The following RWDD2B variants were observed in gnomAD, a reference collection of about 807,000 sequenced individuals.
RWDD2B encodes RWD domain containing 2B, also known as RWD domain-containing protein 2B.
Under a neutral mutation model 33.6 loss-of-function variants are expected in RWDD2B, and 36 were observed. That is an observed-to-expected ratio of 1.07 (90% CI 0.82 to 1.42). The LOEUF is 1.42. Ranked by LOEUF, RWDD2B falls within the 40% of genes most tolerant of loss-of-function variation. The pLI, the probability that RWDD2B is intolerant of heterozygous loss-of-function variation, is 0.00. For missense variants in RWDD2B, 364 were observed against 377.5 expected (o/e 0.96, Z 0.30); for synonymous variants, 126 against 133.1 (o/e 0.95, Z 0.37).
At chr21:29,008,212 A>C in intron 3 of RWDD2B, 28 bp downstream of exon 3, 7 of 1,612,740 alleles carry the variant, frequency 4.3e-6, no homozygotes, top group Non-Finnish European at 4.2e-6. Context: ...TTTGACCTCC[A>C]AAGTTGGCCA....
chr21:29,008,987 A>C (rs2084843694), intron 1 of RWDD2B, among the ~76,000 whole-genome samples: 1 of 152,266 alleles, frequency 6.6e-6, no homozygotes, highest in Admixed American at 6.5e-5. Flanking sequence ...TAGCCAGAAG[A>C]GAGGATATGA....
chr21:29,015,387 C>T (rs1017871206), intron 1 of RWDD2B, among the ~76,000 whole-genome samples: 8 of 151,700 alleles, frequency 5.3e-5, no homozygotes, highest in African/African-American at 9.7e-5. Flanking sequence ...CACACCACTA[C>T]GCCCAGCTAA....
In RWDD2B at chr21:29,012,981, T is replaced by C. The variant is rs2084871922; in HGVS notation, c.68-4360A>G. Among the ~76,000 whole-genome samples, 3 of 152,310 alleles carry C rather than the reference T, an allele frequency of 2.0e-5. No individual in the cohort carries two copies. In the South Asian group the frequency reaches 6.2e-4, roughly 32 times the overall value. On this transcript the variant is annotated intron_variant, in intron 1 of 4. Transcript: ENST00000493196. The stretch of plus-strand genomic sequence containing the variant: ...ACATATGTTAAGTGCCTATATGTAT[T>C]TGAGTCTTTTTCTGGATTCTCCATT...
chr21:29,018,798 C>A (rs1397334255), intron 1 of RWDD2B, among the ~76,000 whole-genome samples: 1 of 152,090 alleles, frequency 6.6e-6, no homozygotes, highest in African/African-American at 2.4e-5. Flanking sequence ...CAAGATCAGC[C>A]TGGGTAACAT....
chr21:29,011,473 A>C (rs1601021626), intron 1 of RWDD2B, among the ~76,000 whole-genome samples: 4 of 136,354 alleles, frequency 2.9e-5, no homozygotes, highest in Non-Finnish European at 3.2e-5. Flanking sequence ...TCCGCCCAGC[A>C]GCCACCCCGT....
intron 1 of RWDD2B, among the ~76,000 whole-genome samples, chr21:29,012,179 C>CCCG (rs1432873771): frequency 6.8e-6 from 1 of 146,204 alleles, no homozygotes; most frequent in Non-Finnish European, 1.5e-5. Flanking sequence ...GGTGGTCAGC[C>CCCG]CCCCCCCGGG....
chr21:29,013,519 C>T (rs2084874642), intron 1 of RWDD2B, among the ~76,000 whole-genome samples: 1 of 151,870 alleles, frequency 6.6e-6, no homozygotes, highest in Non-Finnish European at 1.5e-5. Context: ...GAAACCCCAC[C>T]TCTACTAAAA....
At chr21:29,011,971 C>T (rs564062053) in intron 1 of RWDD2B, among the ~76,000 whole-genome samples, 3,390 of 120,440 alleles carry the variant, frequency 0.028, 555 homozygotes, top group East Asian at 0.097. Flanking sequence ...CGGCCAGCCG[C>T]GCCGTCCGGG....
At chr21:29,018,663 T>C (rs1237674266) in intron 1 of RWDD2B, among the ~76,000 whole-genome samples, 1 of 152,150 alleles carries the variant, frequency 6.6e-6, no homozygotes, top group Non-Finnish European at 1.5e-5. Flanking sequence ...CTCAAGATAA[T>C]TTTATGATTC....
At chr21:29,017,479 G>T (rs980155371) in intron 1 of RWDD2B, among the ~76,000 whole-genome samples, 1 of 151,892 alleles carries the variant, frequency 6.6e-6, no homozygotes, top group Admixed American at 6.5e-5. Flanking sequence ...AGGTGTGGTC[G>T]CCCACGCCTG....
At chr21:29,016,408 G>A (rs1407937927) in intron 1 of RWDD2B, among the ~76,000 whole-genome samples, 1 of 152,162 alleles carries the variant, frequency 6.6e-6, no homozygotes, top group Admixed American at 6.5e-5. Context: ...AGGATTACAG[G>A]CATGCGCCAC....
rs190103756 is a variant in RWDD2B at position 29,007,471 on chromosome 21, C to T, written c.725+290G>A. ...AGGCTATTTTGTTGTTGTACCACCA[C>T]GACAGAGTGTACTTACACAAACCTA... On this transcript the variant is annotated intron_variant, in intron 4 of 4. Transcript: ENST00000493196. 3.7e-3 allele frequency among the ~76,000 whole-genome samples: 568 copies of T among 152,298 alleles called. 7 individuals carry two copies. Among genetic ancestry groups the T allele is most frequent in the African/African-American group, 0.012 (510 of 41,564 alleles).
At chr21:29,012,757 A>G (rs900187367) in intron 1 of RWDD2B, among the ~76,000 whole-genome samples, 2 of 140,158 alleles carry the variant, frequency 1.4e-5, no homozygotes, top group Admixed American at 7.2e-5. Context: ...AGAAACACCC[A>G]AGAATGATCA....
Position 29,006,257 on chromosome 21 carries a change from T to G in RWDD2B, c.*160A>C, listed in dbSNP as rs1478654032. On this transcript the variant is annotated 3_prime_UTR_variant, in exon 5 of 5. Coordinates refer to ENST00000493196, the MANE Select transcript of RWDD2B (RefSeq NM_016940.3). The stretch of plus-strand genomic sequence containing the variant: ...CTCAGTTCTGCTTTCAATCATGACA[T>G]TTTTAACAGATGCATTTCAGCTATA... The G allele has an allele frequency of 5.8e-6, 3 of 517,478 alleles. No individual in the cohort carries two copies. The highest frequency in any genetic ancestry group is 1.0e-5 in the Non-Finnish European group (3 of 291,200). The allele number at this position is 517,478 out of a possible 1,614,324, so 32.1% of individuals were successfully genotyped here.
At position 29,006,219 on chromosome 21, in the gene RWDD2B, T is replaced by C. The variant is rs569626917; in HGVS notation, c.*198A>G. 2.6e-4 allele frequency: 116 copies of C among 452,172 alleles called. No homozygotes were observed. The highest frequency in any genetic ancestry group is 2.1e-3 in the African/African-American group (103 of 49,398). 28.0% of individuals were successfully genotyped at this position (452,172 alleles called of 1,614,324 possible). A position where few individuals can be genotyped will look rare whatever the true frequency, so the allele number is the denominator to read the frequency against. On this transcript the variant is annotated 3_prime_UTR_variant, in exon 5 of 5. Transcript: ENST00000493196. ...GAAATATCTAACAACAATTTTAAGG[T>C]TGTAATTTGAAACTCAGTTCTGCTT...
rs375032636 is a variant in RWDD2B at position 29,010,721 on chromosome 21, G to A, written c.68-2100C>T. ...CACGGTCTCCCTCTGATTCCGAGCC[G>A]AAGCTGGACGGTACTGCTGCCATCT... On this transcript the variant is annotated intron_variant, in intron 1 of 4. Coordinates refer to ENST00000493196, the MANE Select transcript of RWDD2B (RefSeq NM_016940.3). 9.9e-5 allele frequency among the ~76,000 whole-genome samples: 15 copies of A among 150,970 alleles called. No homozygotes were observed. In the East Asian group the frequency reaches 2.4e-3, roughly 24 times the overall value.
intron 1 of RWDD2B, among the ~76,000 whole-genome samples, chr21:29,013,026 A>G (rs1313710136): frequency 6.6e-6 from 1 of 151,352 alleles, no homozygotes; most frequent in South Asian, 2.1e-4. Context: ...TGATCTGTCT[A>G]TAATATCATG....
rs765872705 is a variant in RWDD2B, at chr21:29,007,761, C to A, written c.725G>T (p.Arg242Ile). Residue 242 changes from arginine to isoleucine, a missense_variant and splice_region_variant, in exon 4 of 5, where the codon AGA becomes ATA. By Grantham distance (97) the Arg-to-Ile change is moderately conservative. Transcript: ENST00000493196. ...PQSACEEFWS[R>I]LRKLNWKRIL... The stretch of plus-strand genomic sequence containing the variant: ...TTCATATACATATGTAAAAGCAAAC[C>A]TTGACCAGAATTCTTCACAGGCACT... 2 of 1,611,274 alleles carry A rather than the reference C, an allele frequency of 1.2e-6. No individual in the cohort carries two copies. The highest frequency in any genetic ancestry group is 1.7e-5 in the Admixed American group (1 of 59,764).
In RWDD2B at chr21:29,012,636, G is replaced by A. The variant is rs1485050191; in HGVS notation, c.68-4015C>T. ...AAGTACCCAGGGACACAAACACTGC[G>A]GAAGGCCGCAGGGTCCTCTGCCTAG... On this transcript the variant is annotated intron_variant, in intron 1 of 4. Coordinates refer to ENST00000493196, the MANE Select transcript of RWDD2B (RefSeq NM_016940.3). Among the ~76,000 whole-genome samples, 9 of 151,822 alleles carry A rather than the reference G, an allele frequency of 5.9e-5. No homozygotes were observed. The East Asian group carries it at 7.7e-4, about 13-fold the overall frequency.
Sources: gnomAD v4.1 joint callset for allele counts (sites outside exome capture counted in the v4.1 genomes callset) on GRCh38, gnomAD v4.1.1 for gene constraint, MANE v1.5 for transcripts, NCBI Gene and HGNC (gene_info 2026-07-23, HGNC 2026-07-21) for gene names.